STK31: variants seen among roughly 807,000 people sequenced by gnomAD.
STK31 encodes serine/threonine kinase 31, also known as serine/threonine-protein kinase 31.
Under a neutral mutation model 129.7 loss-of-function variants are expected in STK31, and 89 were observed. That is an observed-to-expected ratio of 0.69 (90% CI 0.58 to 0.82). The LOEUF (loss-of-function observed/expected upper bound fraction) is 0.82. Among genes scored for constraint, STK31 ranks in the 40% least tolerant of loss-of-function variants. The pLI is 0.00. For synonymous variants in STK31, 448 were observed against 395.3 expected, an observed-to-expected ratio of 1.13 and a Z score of -1.58; for missense variants, 1,187 against 1,176.4, an observed-to-expected ratio of 1.01 and a Z score of -0.13.
chr7:23,797,182 C>T (rs1189461094), intron 22 of STK31, among the ~76,000 whole-genome samples: 1 of 151,428 alleles, frequency 6.6e-6, no homozygotes, highest in East Asian at 1.9e-4. Context: ...TTTAACACCC[C>T]ACCGTCAATA....
chr7:23,747,616 C>T (rs954732084), intron 8 of STK31, among the ~76,000 whole-genome samples: 2 of 152,180 alleles, frequency 1.3e-5, no homozygotes, highest in East Asian at 3.9e-4. Flanking sequence ...GATCCACCCG[C>T]CTCGGCCTCC....
At chr7:23,767,610 A>G (rs922145210) in intron 11 of STK31, among the ~76,000 whole-genome samples, 1 of 152,190 alleles carries the variant, frequency 6.6e-6, no homozygotes, top group Non-Finnish European at 1.5e-5. Flanking sequence ...GAAGTGAAGG[A>G]AAGAGAATGG....
intron 18 of STK31, among the ~76,000 whole-genome samples, 171 bp from the exon 19 acceptor site, chr7:23,786,337 C>G (rs932234168): frequency 6.6e-6 from 1 of 151,780 alleles, no homozygotes; most frequent in Admixed American, 6.6e-5. Context: ...ATTGCACTTT[C>G]CTTTTCCAAA....
chr7:23,734,358 A>C (rs1021033569), intron 6 of STK31, among the ~76,000 whole-genome samples: 2 of 152,304 alleles, frequency 1.3e-5, no homozygotes, highest in Admixed American at 1.3e-4. Context: ...ATATATTCCG[A>C]AAAAGAATAC....
chr7:23,720,602 G>T (rs1336079765), intron 4 of STK31, among the ~76,000 whole-genome samples: 1 of 152,042 alleles, frequency 6.6e-6, no homozygotes, highest in African/African-American at 2.4e-5. Context: ...AATGTAAAGG[G>T]TCCATACAAA....
chr7:23,799,205 G>A (rs1792211097), intron 22 of STK31, among the ~76,000 whole-genome samples: 1 of 152,100 alleles, frequency 6.6e-6, no homozygotes, highest in Non-Finnish European at 1.5e-5. Context: ...TCCCCATCAA[G>A]CCACCATTAA....
At chr7:23,747,696 G>A (rs935155287) in intron 8 of STK31, among the ~76,000 whole-genome samples, 3 of 152,150 alleles carry the variant, frequency 2.0e-5, no homozygotes, top group Non-Finnish European at 4.4e-5. Flanking sequence ...GTGAGCTTTG[G>A]CAGATTACGT....
intron 22 of STK31, among the ~76,000 whole-genome samples, chr7:23,794,350 C>G (rs188471539): frequency 6.6e-6 from 1 of 152,196 alleles, no homozygotes; most frequent in Non-Finnish European, 1.5e-5. Flanking sequence ...GTGTTTACTT[C>G]CCCTTCTGCC....
intron 8 of STK31, 47 bp from the exon 9 acceptor site, chr7:23,752,670 A>G: frequency 7.4e-7 from 1 of 1,348,964 alleles, no homozygotes; most frequent in Non-Finnish European, 1.1e-6. Flanking sequence ...GCAGAAATAC[A>G]GTTTCCTATT....
intron 23 of STK31, among the ~76,000 whole-genome samples, chr7:23,825,809 C>T (rs559275549): frequency 2.6e-5 from 4 of 152,186 alleles, no homozygotes; most frequent in South Asian, 2.1e-4. Flanking sequence ...TCTTTGTTCT[C>T]GTTGGTTTCA....
intron 5 of STK31, among the ~76,000 whole-genome samples, chr7:23,727,940 G>C (rs1042809199): frequency 6.6e-6 from 1 of 152,008 alleles, no homozygotes; most frequent in African/African-American, 2.4e-5. Context: ...AGTAGGAGAA[G>C]AACATTTTGA....
chr7:23,794,256 T>A (rs1271289528), intron 22 of STK31, among the ~76,000 whole-genome samples: 1 of 152,184 alleles, frequency 6.6e-6, no homozygotes, highest in Non-Finnish European at 1.5e-5. Context: ...CTTGTGGAAG[T>A]AAGTCTCACA....
At chr7:23,724,619 T>A (rs1165583186) in intron 4 of STK31, among the ~76,000 whole-genome samples, 1 of 152,216 alleles carries the variant, frequency 6.6e-6, no homozygotes, top group African/African-American at 2.4e-5. Flanking sequence ...TTACAAAGCC[T>A]TAATTAAAGA....
At chr7:23,823,371 G>GT (rs1464406354) in intron 23 of STK31, among the ~76,000 whole-genome samples, 4 of 152,082 alleles carry the variant, frequency 2.6e-5, no homozygotes, top group Non-Finnish European at 5.9e-5. Context: ...TTTTTCATGT[G>GT]TTTTTTGGCT....
chr7:23,771,064 G>A lies in STK31; in HGVS notation c.1773G>A (p.Lys591=). The change falls in exon 14 of 24, where the codon AAG becomes AAA. Residue 591 remains lysine, a synonymous_variant. Coordinates refer to ENST00000355870, the MANE Select transcript of STK31 (RefSeq NM_031414.5). ...ATACATATAGTCAAGTACTGCAAAA[G>A]ATTCATTCAGAGGAAAGGCTCATTG... The part of the protein sequence containing the change: ...ISNTYSQVLQ[K]IHSEERLIAT... 6.2e-7 allele frequency: 1 copy of A among 1,612,950 alleles called. No individual in the cohort carries two copies. Among genetic ancestry groups the A allele is most frequent in the South Asian group, 1.1e-5 (1 of 91,002 alleles).
At chr7:23,733,204 T>G (rs1399213947) in intron 6 of STK31, among the ~76,000 whole-genome samples, 1 of 152,110 alleles carries the variant, frequency 6.6e-6, no homozygotes, top group Non-Finnish European at 1.5e-5. Flanking sequence ...GAAAAATTTA[T>G]AAAACCTGTG....
chr7:23,729,398 T>A (rs1302647087), intron 6 of STK31, 149 bp downstream of exon 6: 6 of 683,252 alleles, frequency 8.8e-6, no homozygotes, highest in Non-Finnish European at 1.3e-5. Context: ...AATTATATAT[T>A]TATGCTCATC....
chr7:23,723,151 C>T (rs1454052289), intron 4 of STK31, among the ~76,000 whole-genome samples: 1 of 152,178 alleles, frequency 6.6e-6, no homozygotes, highest in Admixed American at 6.5e-5. Context: ...CTGCGTCGCT[C>T]ACACTGGGAG....
At position 23,715,075 on chromosome 7, in the gene STK31, G is replaced by A. The variant is rs186331986; in HGVS notation, c.151-2406G>A. Among the ~76,000 whole-genome samples, 57 of 152,294 alleles carry A rather than the reference G, an allele frequency of 3.7e-4. No individual in the cohort carries two copies. The East Asian group carries it at 9.1e-3, about 24-fold the overall frequency. On this transcript the variant is annotated intron_variant, in intron 3 of 23. Transcript: ENST00000355870. ...AACTACTAATGGTATATAAATGAAT[G>A]TAGTGGTTATTTCAATAAGCAAATT... is the stretch of plus-strand genomic sequence containing the variant.
Sources: gnomAD v4.1 joint callset for allele counts (sites outside exome capture counted in the v4.1 genomes callset) on GRCh38, gnomAD v4.1.1 for gene constraint, MANE v1.5 for transcripts, NCBI Gene and HGNC (gene_info 2026-07-23, HGNC 2026-07-21) for gene names.